N4BP1: variants seen among roughly 807,000 people sequenced by gnomAD.
The protein encoded by N4BP1 is NEDD4-binding protein 1.
N4BP1 carries 21 observed loss-of-function variants against 70.9 expected under a neutral mutation model. The observed-to-expected ratio is 0.30, with a 90% CI of 0.21 to 0.43. The LOEUF is 0.43. Ranked by LOEUF, N4BP1 falls within the 20% of genes least tolerant of loss-of-function variation. The probability of loss-of-function intolerance (pLI) is 1.00; values close to 1 mark genes in which losing one functional copy is unlikely to be tolerated. For synonymous variants in N4BP1, 387 were observed against 394.6 expected (o/e 0.98, Z 0.23); for missense variants, 936 against 1,069.4 (o/e 0.88, Z 1.74).
intron 1 of N4BP1, among the ~76,000 whole-genome samples, chr16:48,564,818 T>C (rs1963915628): frequency 6.6e-6 from 1 of 152,214 alleles, no homozygotes; most frequent in African/African-American, 2.4e-5. Context: ...TCTCCATTTA[T>C]TTAGATTTCA....
chr16:48,596,204 AT>A (rs1478828940), intron 1 of N4BP1, among the ~76,000 whole-genome samples: 3 of 151,914 alleles, frequency 2.0e-5, no homozygotes, highest in African/African-American at 7.3e-5. Flanking sequence ...TTTTTATTTT[AT>A]TTTTTTTCCT....
At chr16:48,548,232 G>C (rs1249443262) in intron 4 of N4BP1, 118 bp from the exon 5 acceptor site, 2 of 667,612 alleles carry the variant, frequency 3.0e-6, no homozygotes, top group Admixed American at 2.8e-5. Context: ...TTTAACCAAG[G>C]CTAGGCCACA....
At chr16:48,547,434 G>A (rs887964268) in intron 5 of N4BP1, among the ~76,000 whole-genome samples, 2 of 152,202 alleles carry the variant, frequency 1.3e-5, no homozygotes, top group African/African-American at 4.8e-5. Context: ...AAAAACAGCA[G>A]TGAATGCTAA....
rs1964661565 is a variant in N4BP1 at position 48,610,059 on chromosome 16, G to A, written c.-87C>T. 1 of 817,040 alleles carries A rather than the reference G, an allele frequency of 1.2e-6. No homozygotes were observed. Among genetic ancestry groups the A allele is most frequent in the Non-Finnish European group, 1.5e-6 (1 of 668,156 alleles). The allele number at this position is 817,040 out of a possible 1,614,324, so 50.6% of individuals were successfully genotyped here. On this transcript the variant is annotated 5_prime_UTR_variant, in exon 1 of 7. Coordinates refer to ENST00000262384, the MANE Select transcript of N4BP1 (RefSeq NM_153029.4). Reference sequence around the variant, plus strand: ...CTGCCGCTGCTCCCAAGCCAGTCAGGCGGCGTCGGCCCTTCCCGGCCGCCT... The same window carrying A: ...CTGCCGCTGCTCCCAAGCCAGTCAGACGGCGTCGGCCCTTCCCGGCCGCCT...
intron 1 of N4BP1, among the ~76,000 whole-genome samples, chr16:48,586,032 T>A (rs1039297724): frequency 5.9e-5 from 9 of 152,206 alleles, no homozygotes; most frequent in Non-Finnish European, 1.2e-4. Flanking sequence ...GTTGCTCAGT[T>A]GTCAGTATAA....
intron 1 of N4BP1, among the ~76,000 whole-genome samples, chr16:48,601,989 A>G (rs1964508375): frequency 6.6e-6 from 1 of 152,226 alleles, no homozygotes; most frequent in Admixed American, 6.5e-5. Context: ...TTGGGAGGCC[A>G]AGGCAGGCAG....
At chr16:48,549,967 C>CACTAGAG (rs1963642683) in intron 4 of N4BP1, among the ~76,000 whole-genome samples, 1 of 152,168 alleles carries the variant, frequency 6.6e-6, no homozygotes, top group Non-Finnish European at 1.5e-5. Flanking sequence ...AAACAGCTAC[C>CACTAGAG]ACTAGGCTAC....
intron 1 of N4BP1, among the ~76,000 whole-genome samples, chr16:48,597,551 A>G (rs1390502248): frequency 6.6e-6 from 1 of 152,214 alleles, no homozygotes; most frequent in Non-Finnish European, 1.5e-5. Flanking sequence ...GTCAAATTCC[A>G]GCAGAACAGC....
chr16:48,583,363 C>T (rs1215793351), intron 1 of N4BP1, among the ~76,000 whole-genome samples: 3 of 152,146 alleles, frequency 2.0e-5, no homozygotes, highest in African/African-American at 7.2e-5. Context: ...CTCCTACAAA[C>T]AGAGAGAAGA....
At chr16:48,576,548 T>C (rs1964096981) in intron 1 of N4BP1, among the ~76,000 whole-genome samples, 1 of 152,232 alleles carries the variant, frequency 6.6e-6, no homozygotes, top group South Asian at 2.1e-4. Flanking sequence ...TGATTTTTTC[T>C]TCACTCTTAT....
chr16:48,606,248 CT>C (rs1964580902), intron 1 of N4BP1, among the ~76,000 whole-genome samples: 2 of 152,172 alleles, frequency 1.3e-5, no homozygotes, highest in African/African-American at 2.4e-5. Flanking sequence ...CACCACACAG[CT>C]GCCCTGTCCC....
rs1174177141 is a variant in N4BP1 at position 48,541,773 on chromosome 16, A to C, written c.*1131T>G. The stretch of plus-strand genomic sequence containing the variant: ...TTGGGCAACACCTAGAACAGACAAT[A>C]TTAAGATATCAATTCTGAGAAAGAC... On this transcript the variant is annotated 3_prime_UTR_variant, in exon 7 of 7. Coordinates refer to ENST00000262384, the MANE Select transcript of N4BP1 (RefSeq NM_153029.4). 1 of 152,696 alleles carries C rather than the reference A, an allele frequency of 6.5e-6. No individual in the cohort carries two copies. Among genetic ancestry groups the C allele is most frequent in the Admixed American group, 6.5e-5 (1 of 15,290 alleles). The allele number at this position is 152,696 out of a possible 1,614,324, so 9.5% of individuals were successfully genotyped here.
intron 1 of N4BP1, among the ~76,000 whole-genome samples, chr16:48,567,526 C>T (rs1298498549): frequency 6.6e-6 from 1 of 152,050 alleles, no homozygotes; most frequent in Non-Finnish European, 1.5e-5. Context: ...GCTATGTTTG[C>T]CAGGCTGGTC....
In N4BP1 at chr16:48,561,343, T is replaced by TGTG; in HGVS notation, c.1297_1299dup (p.His433dup). 6.2e-7 allele frequency: 1 copy of TGTG among 1,613,960 alleles called. No individual in the cohort carries two copies. The highest frequency in any genetic ancestry group is 1.1e-5 in the South Asian group (1 of 91,082). On this transcript the variant is annotated inframe_insertion, in exon 2 of 7. Coordinates refer to ENST00000262384, the MANE Select transcript of N4BP1 (RefSeq NM_153029.4). Reference sequence around the variant, plus strand: ...AATTTTTCTACCATATTTTGCTGTGTGTGAGCCTGTGTTTTCTTTGGAGTG... The same window carrying TGTG: ...AATTTTTCTACCATATTTTGCTGTGTGTGGTGAGCCTGTGTTTTCTTTGGAGTG...
intron 2 of N4BP1, 49 bp from the exon 3 acceptor site, chr16:48,553,718 A>T: frequency 2.8e-6 from 4 of 1,417,996 alleles, no homozygotes; most frequent in Non-Finnish European, 3.8e-6. Context: ...TTCTGTTTAA[A>T]GCACAGTAAG....
At chr16:48,587,819 T>C (rs1448865926) in intron 1 of N4BP1, among the ~76,000 whole-genome samples, 1 of 152,210 alleles carries the variant, frequency 6.6e-6, no homozygotes, top group Non-Finnish European at 1.5e-5. Flanking sequence ...GTGCCTATCC[T>C]ATGGTGCAGG....
At chr16:48,547,698 C>T (rs992202964) in intron 5 of N4BP1, among the ~76,000 whole-genome samples, 3 of 152,210 alleles carry the variant, frequency 2.0e-5, no homozygotes, top group African/African-American at 7.2e-5. Context: ...GCCGTTTGTG[C>T]TCCATCACAC....
Position 48,609,916 on chromosome 16 carries a change from C to T in N4BP1, c.57G>A (p.Leu19=). ...EFTAPAEKAE[L]LEQSRGRIEG... is the part of the protein sequence containing the mutation. ...CGATACGGCCGCGGCTCTGCTCCAG[C>T]AGCTCCGCCTTCTCAGCTGGCGCAG... Residue 19 remains leucine (L), a synonymous_variant, in exon 1 of 7, where the codon CTG becomes CTA. Transcript: ENST00000262384. 1 of 1,444,754 alleles carries T rather than the reference C, an allele frequency of 6.9e-7. No homozygotes were observed. 89.5% of individuals were successfully genotyped at this position (1,444,754 alleles called of 1,614,324 possible).
chr16:48,567,948 T>C (rs1037661939), intron 1 of N4BP1, among the ~76,000 whole-genome samples: 6 of 152,056 alleles, frequency 3.9e-5, no homozygotes, highest in Non-Finnish European at 7.4e-5. Context: ...AAGCCAATAT[T>C]TCCCCTGCAC....
Sources: gnomAD v4.1 joint callset for allele counts (sites outside exome capture counted in the v4.1 genomes callset) on GRCh38, gnomAD v4.1.1 for gene constraint, MANE v1.5 for transcripts, NCBI Gene and HGNC (gene_info 2026-07-23, HGNC 2026-07-21) for gene names.